The following PPP1R14C variants were observed in gnomAD, a reference collection of about 807,000 sequenced individuals.
PPP1R14C encodes protein phosphatase 1 regulatory inhibitor subunit 14C.
PPP1R14C carries 16 observed loss-of-function variants against 20.4 expected under a neutral mutation model. That is an observed-to-expected ratio of 0.78 (90% CI 0.53 to 1.19). The LOEUF is 1.19. PPP1R14C is among the 50% of genes most tolerant of loss of function. The pLI is 0.00. For missense variants in PPP1R14C, 211 were observed against 220.1 expected, an observed-to-expected ratio of 0.96 and a Z score of 0.26; for synonymous variants, 91 against 91.0, an observed-to-expected ratio of 1.00 and a Z score of 0.00.
In PPP1R14C at chr6:150,168,001, C is replaced by CTT. The variant is rs1285747194; in HGVS notation, c.306+24503_306+24504insTT. On this transcript the variant is annotated intron_variant, in intron 1 of 3. Transcript: ENST00000361131. ...TTCTCTCCTCCCCTCTTCCTCTCCC[C>CTT]CTTGCTTTCCTCCCACCCTTTCTGC... is the stretch of plus-strand genomic sequence containing the variant. 1.1e-3 allele frequency among the ~76,000 whole-genome samples: 14 copies of CTT among 13,254 alleles called. 1 individual carries two copies. In the East Asian group the frequency reaches 0.032, roughly 30 times the overall value. The allele number at this position is 13,254 out of a possible 152,430, so 8.7% of individuals were successfully genotyped here. A position where few individuals can be genotyped will look rare whatever the true frequency, so the allele number is the denominator to read the frequency against.
chr6:150,167,010 C>T (rs1019591810), intron 1 of PPP1R14C, among the ~76,000 whole-genome samples: 4 of 152,112 alleles, frequency 2.6e-5, no homozygotes, highest in Non-Finnish European at 4.4e-5. Flanking sequence ...GCGGGTGAAT[C>T]CCTTGAGGTT....
Position 150,201,343 on chromosome 6 carries a change from T to C in PPP1R14C, c.307-13401T>C, listed in dbSNP as rs1777875297. On this transcript the variant is annotated intron_variant, in intron 1 of 3. Transcript: ENST00000361131. The surrounding 1 kb of genome is among the most constrained non-coding windows in gnomAD (Gnocchi z 4.2). Reference sequence around the variant, plus strand: ...ATTCTAAGTTTCCAGGGCTGGGAGGTTGACCTCATCACAAGTCTGGCGAAG... The same window carrying C: ...ATTCTAAGTTTCCAGGGCTGGGAGGCTGACCTCATCACAAGTCTGGCGAAG... Among the ~76,000 whole-genome samples the C allele has an allele frequency of 1.3e-5, 2 of 151,632 alleles. No homozygotes were observed. The highest frequency in any genetic ancestry group is 4.9e-5 in the African/African-American group (2 of 41,184).
intron 1 of PPP1R14C, among the ~76,000 whole-genome samples, chr6:150,169,019 G>A (rs923426785): frequency 3.9e-5 from 6 of 152,080 alleles, no homozygotes; most frequent in African/African-American, 7.2e-5. Context: ...TGGGACTATC[G>A]GCACGCGCCA....
chr6:150,219,947 C>T (rs1304979774), intron 3 of PPP1R14C, among the ~76,000 whole-genome samples: 1 of 152,096 alleles, frequency 6.6e-6, no homozygotes. Context: ...AACCTGCCTT[C>T]CGGGTTCAAG....
chr6:150,231,421 C>T lies in PPP1R14C; in HGVS notation c.423+14565C>T, dbSNP rs368608574. Reference sequence around the variant, plus strand: ...CCAAGTCTGGCTAGCTTCCAGTGCTCGAAGGGGCATGTCTGGAGCCTTCAT... The same window carrying T: ...CCAAGTCTGGCTAGCTTCCAGTGCTTGAAGGGGCATGTCTGGAGCCTTCAT... On this transcript the variant is annotated intron_variant, in intron 3 of 3. Coordinates refer to ENST00000361131, the MANE Select transcript of PPP1R14C (RefSeq NM_030949.3). 7.2e-5 allele frequency among the ~76,000 whole-genome samples: 11 copies of T among 152,292 alleles called. No homozygotes were observed. The East Asian group carries it at 7.7e-4, about 11-fold the overall frequency.
intron 3 of PPP1R14C, among the ~76,000 whole-genome samples, chr6:150,233,673 G>A (rs1778319242): frequency 6.6e-6 from 1 of 152,206 alleles, no homozygotes; most frequent in Admixed American, 6.5e-5. Context: ...TCAGTAACCA[G>A]TGTGGGAGAC....
At chr6:150,168,062 C>T (rs1182865991) in intron 1 of PPP1R14C, among the ~76,000 whole-genome samples, 1 of 45,784 alleles carries the variant, frequency 2.2e-5, no homozygotes, top group African/African-American at 9.4e-5. Context: ...TCCCCCACTC[C>T]CCTCCCACCT....
At chr6:150,200,183 T>TAC (rs1156936687) in intron 1 of PPP1R14C, among the ~76,000 whole-genome samples, 3 of 150,204 alleles carry the variant, frequency 2.0e-5, no homozygotes, top group East Asian at 1.9e-4. Flanking sequence ...TATATATATA[T>TAC]ACACACACAC....
In PPP1R14C at chr6:150,249,303, G is replaced by C; in HGVS notation, c.*483G>C. 1 of 399,138 alleles carries C rather than the reference G, an allele frequency of 2.5e-6. No homozygotes were observed. The highest frequency in any genetic ancestry group is 3.6e-5 in the East Asian group (1 of 28,074). The allele number at this position is 399,138 out of a possible 1,614,324, so 24.7% of individuals were successfully genotyped here. On this transcript the variant is annotated 3_prime_UTR_variant, in exon 4 of 4. Coordinates refer to ENST00000361131, the MANE Select transcript of PPP1R14C (RefSeq NM_030949.3). ...GTTGATGTGAGTTTTATTTCACATG[G>C]ATGGAATAAACTTGTGGTTGTCCTT...
chr6:150,181,590 A>G (rs1302529981), intron 1 of PPP1R14C, among the ~76,000 whole-genome samples: 1 of 152,152 alleles, frequency 6.6e-6, no homozygotes, highest in African/African-American at 2.4e-5. Flanking sequence ...CCTTGCACAT[A>G]ATGTTTTTTT....
chr6:150,214,904 C>G (rs1778071727), intron 2 of PPP1R14C, 77 bp downstream of exon 2: 2 of 1,012,264 alleles, frequency 2.0e-6, no homozygotes, highest in Admixed American at 4.0e-5. Context: ...TGCTTGGCAT[C>G]AACTGATTCC....
intron 1 of PPP1R14C, among the ~76,000 whole-genome samples, chr6:150,204,070 G>A (rs1052734037): frequency 6.6e-6 from 1 of 152,238 alleles, no homozygotes; most frequent in Non-Finnish European, 1.5e-5. Context: ...GGAGAAAGAA[G>A]GGCCCTGAGA....
At chr6:150,169,684 C>T (rs941838524) in intron 1 of PPP1R14C, among the ~76,000 whole-genome samples, 1 of 152,184 alleles carries the variant, frequency 6.6e-6, no homozygotes, top group Non-Finnish European at 1.5e-5. Context: ...AAGGCCGAAG[C>T]GGGAAGAAGC....
intron 1 of PPP1R14C, among the ~76,000 whole-genome samples, chr6:150,167,937 G>A (rs1332202035): frequency 4.4e-4 from 1 of 2,280 alleles, no homozygotes; most frequent in Non-Finnish European, 8.3e-4. Flanking sequence ...TTCTCTCCAT[G>A]TCTCCGTTCT....
chr6:150,193,254 GA>G (rs1162637231), intron 1 of PPP1R14C, among the ~76,000 whole-genome samples: 1 of 151,762 alleles, frequency 6.6e-6, no homozygotes, highest in Non-Finnish European at 1.5e-5. Flanking sequence ...ACAGGAAGAA[GA>G]AAAAGAGGAG....
intron 1 of PPP1R14C, among the ~76,000 whole-genome samples, chr6:150,179,544 T>C (rs1396391540): frequency 6.6e-6 from 1 of 152,004 alleles, no homozygotes; most frequent in Non-Finnish European, 1.5e-5. Flanking sequence ...TTGGCCTATG[T>C]TTTTAAATGG....
chr6:150,171,836 C>T (rs925850219), intron 1 of PPP1R14C, among the ~76,000 whole-genome samples: 7 of 152,056 alleles, frequency 4.6e-5, no homozygotes, highest in Non-Finnish European at 8.8e-5. Flanking sequence ...GAGACGGAGT[C>T]TTGCTCTCAC....
intron 1 of PPP1R14C, among the ~76,000 whole-genome samples, chr6:150,189,071 C>T (rs1414638506): frequency 1.3e-5 from 2 of 151,824 alleles, no homozygotes; most frequent in African/African-American, 4.8e-5. Flanking sequence ...TTTGGTCAGG[C>T]TGGTCTCAAA....
intron 1 of PPP1R14C, among the ~76,000 whole-genome samples, chr6:150,208,038 A>C (rs555319128): frequency 2.0e-5 from 3 of 152,344 alleles, no homozygotes; most frequent in African/African-American, 4.8e-5. Flanking sequence ...TATAACAACC[A>C]GCGCCTCATG....
Sources: gnomAD v4.1 joint callset for allele counts (sites outside exome capture counted in the v4.1 genomes callset) on GRCh38, gnomAD v4.1.1 for gene constraint, Gnocchi (gnomAD v3.1) non-coding constraint, MANE v1.5 for transcripts, NCBI Gene and HGNC (gene_info 2026-07-23, HGNC 2026-07-21) for gene names.